Variants in PARVB observed in about 807,000 individuals in gnomAD.
PARVB encodes beta-parvin.
A neutral mutation model predicts 47.0 loss-of-function variants in PARVB; 46 were observed. The observed-to-expected ratio is 0.98, with a 90% CI of 0.77 to 1.25. PARVB has a LOEUF of 1.25. Among genes scored for constraint, PARVB ranks in the 50% most tolerant of loss-of-function variants. The pLI, the probability that PARVB is intolerant of heterozygous loss-of-function variation, is 0.00. For missense variants in PARVB, 473 were observed against 471.6 expected (o/e 1.00, Z -0.03); for synonymous variants, 196 against 196.3 (o/e 1.00, Z 0.01).
intron 1 of PARVB, among the ~76,000 whole-genome samples, chr22:44,075,915 G>T (rs555156625): frequency 5.3e-5 from 8 of 152,370 alleles, no homozygotes; most frequent in African/African-American, 1.4e-4. Flanking sequence ...CAGTCGAGCT[G>T]GGATCAGAGC....
chr22:44,138,534 G>A (rs751808118), intron 7 of PARVB, among the ~76,000 whole-genome samples: 6 of 152,144 alleles, frequency 3.9e-5, no homozygotes, highest in African/African-American at 7.2e-5. Flanking sequence ...TCCCCTCCCC[G>A]TGGCTGCGGA....
intron 1 of PARVB, among the ~76,000 whole-genome samples, chr22:44,092,749 C>T (rs992693323): frequency 2.6e-4 from 39 of 152,146 alleles, no homozygotes; most frequent in Non-Finnish European, 3.2e-4. Context: ...GTGGGATGTA[C>T]CTGGGGTCTC....
intron 1 of PARVB, among the ~76,000 whole-genome samples, chr22:44,073,036 T>G (rs1293914558): frequency 6.6e-6 from 1 of 152,192 alleles, no homozygotes; most frequent in Admixed American, 6.5e-5. Context: ...TAAGTCCCCC[T>G]GTGGCCCACC....
intron 1 of PARVB, among the ~76,000 whole-genome samples, chr22:44,033,415 G>A (rs2050859753): frequency 6.6e-6 from 1 of 152,160 alleles, no homozygotes; most frequent in African/African-American, 2.4e-5. Flanking sequence ...TTTCTGAGCT[G>A]GAATTCCTTG....
chr22:44,038,024 T>C (rs2050951152), intron 1 of PARVB, among the ~76,000 whole-genome samples: 1 of 152,182 alleles, frequency 6.6e-6, no homozygotes, highest in Non-Finnish European at 1.5e-5. Flanking sequence ...TTTCTGTGGG[T>C]CCCATGATCT....
At chr22:44,130,875 G>A (rs769379955) in intron 4 of PARVB, among the ~76,000 whole-genome samples, 13 of 151,894 alleles carry the variant, frequency 8.6e-5, no homozygotes, top group Non-Finnish European at 1.5e-4. Context: ...TCAATCTGGC[G>A]TCATTCTCTA....
chr22:44,021,803 AC>A (rs1770048505), upstream of PARVB, among the ~76,000 whole-genome samples: 1 of 139,438 alleles, frequency 7.2e-6, no homozygotes, highest in African/African-American at 2.8e-5. Flanking sequence ...ACACACACAC[AC>A]ACACACACAC....
intron 1 of PARVB, among the ~76,000 whole-genome samples, chr22:44,033,877 G>A (rs773554467): frequency 1.3e-5 from 2 of 152,166 alleles, no homozygotes; most frequent in East Asian, 3.9e-4. Flanking sequence ...CTGTCTCAGC[G>A]GAGCCCTGTC....
chr22:44,153,325 T>TTTTC (rs1199402988), intron 10 of PARVB: 1 of 152,082 alleles, frequency 6.6e-6, no homozygotes, highest in Non-Finnish European at 1.5e-5. Flanking sequence ...GATATTTTCT[T>TTTTC]TTTCTTTCTT....
At chr22:44,136,438 A>G (rs762907938) in intron 6 of PARVB, 22 bp from the exon 7 acceptor site, 9 of 1,611,090 alleles carry the variant, frequency 5.6e-6, no homozygotes, top group Non-Finnish European at 7.6e-6. Flanking sequence ...CTGATTTTGT[A>G]TGTTTATTTT....
intron 3 of PARVB, chr22:44,105,653 C>G (rs1286902369): frequency 6.6e-6 from 1 of 152,164 alleles, no homozygotes; most frequent in Non-Finnish European, 1.5e-5. Flanking sequence ...GCTAAATCCC[C>G]AGGGCTGGAG....
intron 1 of PARVB, among the ~76,000 whole-genome samples, chr22:44,077,868 T>G (rs1021724301): frequency 6.6e-6 from 1 of 152,104 alleles, no homozygotes; most frequent in Non-Finnish European, 1.5e-5. Flanking sequence ...CGGCTAATTT[T>G]TGTGTTTTTA....
intron 4 of PARVB, among the ~76,000 whole-genome samples, chr22:44,126,823 T>C (rs2147146559): frequency 6.6e-6 from 1 of 152,338 alleles, no homozygotes; most frequent in Non-Finnish European, 1.5e-5. Flanking sequence ...CTTGAAACAG[T>C]ATGTCAGCAA....
intron 10 of PARVB, chr22:44,153,002 A>G (rs1040212278): frequency 6.6e-6 from 1 of 152,224 alleles, no homozygotes; most frequent in Admixed American, 6.5e-5. Context: ...GAATGCACAG[A>G]GGGTTTTGTT....
chr22:44,105,030 G>A (rs1249103120), intron 3 of PARVB: 1 of 152,236 alleles, frequency 6.6e-6, no homozygotes, highest in Non-Finnish European at 1.5e-5. Flanking sequence ...TCACCATGGG[G>A]TCATAGGCAG....
chr22:44,058,166 G>T (rs1328236253), intron 1 of PARVB, among the ~76,000 whole-genome samples: 1 of 152,238 alleles, frequency 6.6e-6, no homozygotes, highest in Non-Finnish European at 1.5e-5. Flanking sequence ...TTACAGAGCA[G>T]AAGTTTATTC....
chr22:44,138,252 G>A (rs1378537676), intron 7 of PARVB, among the ~76,000 whole-genome samples: 1 of 152,196 alleles, frequency 6.6e-6, no homozygotes, highest in Non-Finnish European at 1.5e-5. Context: ...TAACACAGGG[G>A]CTTGTGGGAA....
intron 3 of PARVB, chr22:44,105,530 G>C (rs1427212150): frequency 6.6e-6 from 1 of 152,128 alleles, no homozygotes; most frequent in Non-Finnish European, 1.5e-5. Flanking sequence ...CTTTTTCTTT[G>C]CTGGGCTTGC....
chr22:44,168,660 G>A lies in PARVB; in HGVS notation c.1077G>A (p.Lys359=), dbSNP rs1176806941. 1.2e-6 allele frequency: 2 copies of A among 1,611,432 alleles called. No homozygotes were observed. Among genetic ancestry groups the A allele is most frequent in the East Asian group, 2.2e-5 (1 of 44,854 alleles). ...TLRVLYNLFT[K]YKNVE is the part of the protein sequence containing the mutation. ...GGGTTCTTTACAACCTGTTCACCAA[G>A]TACAAGAACGTGGAGTGACGGGGGA... The change falls in exon 13 of 13, where the codon AAG becomes AAA. Residue 359 remains lysine (K), a synonymous_variant. Coordinates refer to ENST00000338758, the MANE Select transcript of PARVB (RefSeq NM_013327.5).
Sources: gnomAD v4.1 joint callset for allele counts (sites outside exome capture counted in the v4.1 genomes callset) on GRCh38, gnomAD v4.1.1 for gene constraint, MANE v1.5 for transcripts, NCBI Gene and HGNC (gene_info 2026-07-23, HGNC 2026-07-21) for gene names.